MYO10: variants seen among roughly 807,000 people sequenced by gnomAD.
The protein encoded by MYO10 is myosin X, also known as unconventional myosin-X.
MYO10 carries 133 observed loss-of-function variants against 257.3 expected under a neutral mutation model. The observed-to-expected ratio is 0.52, with a 90% CI of 0.45 to 0.60. The LOEUF (loss-of-function observed/expected upper bound fraction) is 0.60, where lower values mean the gene tolerates loss of function less well. Ranked by LOEUF, MYO10 falls within the 20% of genes least tolerant of loss-of-function variation. The pLI, the probability that MYO10 is intolerant of heterozygous loss-of-function variation, is 0.00. For synonymous variants in MYO10, 1,104 were observed against 1,028.6 expected, an observed-to-expected ratio of 1.07 and a Z score of -1.40; for missense variants, 2,399 against 2,635.7, an observed-to-expected ratio of 0.91 and a Z score of 1.97.
intron 1 of MYO10, among the ~76,000 whole-genome samples, chr5:16,927,218 T>G (rs1052303851): frequency 6.8e-6 from 1 of 146,168 alleles, no homozygotes; most frequent in African/African-American, 2.6e-5. Flanking sequence ...AACATATATA[T>G]GAAGGCATAA....
At chr5:16,861,041 CAT>C (rs1357934808) in intron 2 of MYO10, among the ~76,000 whole-genome samples, 12 of 152,086 alleles carry the variant, frequency 7.9e-5, no homozygotes, top group African/African-American at 2.9e-4. Context: ...TTTTAAAAAA[CAT>C]ACCATGGCCT....
chr5:16,775,427 G>T (rs1741184245), intron 9 of MYO10, among the ~76,000 whole-genome samples: 1 of 152,078 alleles, frequency 6.6e-6, no homozygotes, highest in Non-Finnish European at 1.5e-5. Flanking sequence ...TTGATAAAAA[G>T]AATCATGTTT....
intron 26 of MYO10, among the ~76,000 whole-genome samples, chr5:16,697,424 G>A (rs533484571): frequency 2.0e-5 from 3 of 152,334 alleles, no homozygotes; most frequent in South Asian, 2.1e-4. Flanking sequence ...TTTCATGGCT[G>A]GGCGCGGTGG....
chr5:16,823,119 C>G (rs1474326745), intron 2 of MYO10, among the ~76,000 whole-genome samples: 1 of 151,712 alleles, frequency 6.6e-6, no homozygotes, highest in African/African-American at 2.4e-5. Flanking sequence ...GCAAGGTATA[C>G]AGCAGGAAAG....
intron 2 of MYO10, among the ~76,000 whole-genome samples, chr5:16,863,439 AG>A (rs1460478636): frequency 6.6e-6 from 1 of 152,204 alleles, no homozygotes; most frequent in Non-Finnish European, 1.5e-5. Context: ...TGGATTTTTC[AG>A]TGGTGCTGGG....
At chr5:16,689,241 T>C (rs537433658) in intron 28 of MYO10, among the ~76,000 whole-genome samples, 2 of 152,336 alleles carry the variant, frequency 1.3e-5, no homozygotes, top group South Asian at 4.1e-4. Context: ...GCATTTAGAA[T>C]ACTTCCTGAA....
intron 19 of MYO10, among the ~76,000 whole-genome samples, chr5:16,748,684 C>T (rs953821776): frequency 1.3e-5 from 2 of 151,908 alleles, no homozygotes; most frequent in Non-Finnish European, 2.9e-5. Context: ...ATATAAATCC[C>T]CGGGAGGAAA....
At chr5:16,907,921 T>C (rs934903413) in intron 1 of MYO10, among the ~76,000 whole-genome samples, 13 of 152,178 alleles carry the variant, frequency 8.5e-5, no homozygotes, top group Admixed American at 5.2e-4. Context: ...AGCAAAACAT[T>C]TGATGATCAC....
At chr5:16,804,950 A>C (rs1015321669) in intron 3 of MYO10, among the ~76,000 whole-genome samples, 1 of 152,118 alleles carries the variant, frequency 6.6e-6, no homozygotes, top group African/African-American at 2.4e-5. Context: ...CTTTGGCAAA[A>C]ATAATTACAG....
chr5:16,823,467 G>GGGTTTTTTTTTTTTTTTTTTTT (rs1561003861), intron 2 of MYO10, among the ~76,000 whole-genome samples: 1 of 3,978 alleles, frequency 2.5e-4, no homozygotes, highest in African/African-American at 9.8e-4. Context: ...GGGGAGTGGG[G>GGGTTTTTTTTTTTTTTTTTTTT]ATTTTTTTTT....
chr5:16,836,903 A>G (rs1695313878), intron 2 of MYO10, among the ~76,000 whole-genome samples: 1 of 152,218 alleles, frequency 6.6e-6, no homozygotes, highest in Admixed American at 6.5e-5. Context: ...GAATGTTCGT[A>G]CCAGCATTTT....
rs1160701199 is a variant in MYO10, at chr5:16,760,461, CA to C, written c.1739+1002del. 6.9e-3 allele frequency among the ~76,000 whole-genome samples: 584 copies of C among 85,182 alleles called. 5 individuals are homozygous for C. The highest frequency in any genetic ancestry group is 0.022 in the African/African-American group (493 of 22,914). 55.9% of individuals were successfully genotyped at this position (85,182 alleles called of 152,430 possible). The stretch of plus-strand genomic sequence containing the variant: ...GGGTGACAGAACGAGACCCTGTCTC[CA>C]AAAAAAAAAAACAAACCAAAAAAAA... On this transcript the variant is annotated intron_variant, in intron 17 of 40. Coordinates refer to ENST00000513610, the MANE Select transcript of MYO10 (RefSeq NM_012334.3).
At position 16,764,248 on chromosome 5, in the gene MYO10, A is replaced by AC; in HGVS notation, c.1326+1dup. 1 of 1,613,938 alleles carries AC rather than the reference A, an allele frequency of 6.2e-7. No individual in the cohort carries two copies. Among genetic ancestry groups the AC allele is most frequent in the South Asian group, 1.1e-5 (1 of 91,048 alleles). Reference sequence around the variant, plus strand: ...CACGTGCTGCACTGTTAGGAAACCTACCTCAAAGTTTTCAAATCCAAAGAT... The same window carrying AC: ...CACGTGCTGCACTGTTAGGAAACCTACCCTCAAAGTTTTCAAATCCAAAGAT... On this transcript the variant is annotated splice_donor_variant, in intron 12 of 40. Transcript: ENST00000513610. LOFTEE classifies it high-confidence loss of function.
intron 2 of MYO10, among the ~76,000 whole-genome samples, chr5:16,873,498 C>T (rs1164297685): frequency 2.6e-5 from 4 of 152,314 alleles, no homozygotes; most frequent in African/African-American, 7.2e-5. Flanking sequence ...AGGACAGTGG[C>T]CCTCTTCTCA....
chr5:16,758,091 T>C, intron 18 of MYO10, 27 bp downstream of exon 18: 2 of 1,488,354 alleles, frequency 1.3e-6, no homozygotes, highest in Non-Finnish European at 1.9e-6. Context: ...AACGACGGAT[T>C]CCTCTAAGCC....
chr5:16,793,067 T>G (rs1055376564), intron 4 of MYO10, among the ~76,000 whole-genome samples: 1 of 152,204 alleles, frequency 6.6e-6, no homozygotes, highest in Non-Finnish European at 1.5e-5. Context: ...TTTACAAGAC[T>G]GTGGCTCCTC....
intron 3 of MYO10, among the ~76,000 whole-genome samples, chr5:16,810,572 T>C (rs1742405772): frequency 6.6e-6 from 1 of 152,052 alleles, no homozygotes; most frequent in Non-Finnish European, 1.5e-5. Context: ...GGTGGGAGGA[T>C]GGCTTGAGGT....
At chr5:16,878,004 T>C (rs1454844353) in intron 1 of MYO10, among the ~76,000 whole-genome samples, 3 of 152,150 alleles carry the variant, frequency 2.0e-5, no homozygotes, top group Admixed American at 6.5e-5. Flanking sequence ...TTTGAGATGA[T>C]GAAGCAGGCA....
At chr5:16,752,227 T>C (rs540466566) in intron 19 of MYO10, among the ~76,000 whole-genome samples, 4 of 152,306 alleles carry the variant, frequency 2.6e-5, no homozygotes, top group South Asian at 4.1e-4. Context: ...AGCTTCCAAT[T>C]AGACTATGGC....
Sources: gnomAD v4.1 joint callset for allele counts (sites outside exome capture counted in the v4.1 genomes callset) on GRCh38, gnomAD v4.1.1 for gene constraint, MANE v1.5 for transcripts, NCBI Gene and HGNC (gene_info 2026-07-23, HGNC 2026-07-21) for gene names.